The following EYS variants were observed in gnomAD, a reference collection of about 807,000 sequenced individuals.
The protein encoded by EYS is EGF-like photoreceptor maintenance factor, also known as protein eyes shut homolog.
EYS carries 250 observed loss-of-function variants against 282.1 expected under a neutral mutation model. The ratio of observed to expected loss-of-function variants is 0.89; its 90% CI spans 0.80 to 0.98. EYS has a LOEUF of 0.98. Among genes scored for constraint, EYS ranks in the 50% least tolerant of loss-of-function variants. The pLI is 0.00. For missense variants in EYS, 4,016 were observed against 3,709.0 expected (o/e 1.08, Z -2.15); for synonymous variants, 1,355 against 1,282.9 (o/e 1.06, Z -1.20).
At chr6:64,025,097 C>A (rs1769423114) in intron 33 of EYS, among the ~76,000 whole-genome samples, 1 of 152,146 alleles carries the variant, frequency 6.6e-6, no homozygotes, top group African/African-American at 2.4e-5. Flanking sequence ...TCTGTCCTAT[C>A]TTTCCTTAGA....
At chr6:65,409,076 A>T (rs1236429054) in intron 5 of EYS, among the ~76,000 whole-genome samples, 1 of 152,104 alleles carries the variant, frequency 6.6e-6, no homozygotes, top group African/African-American at 2.4e-5. Context: ...AACATATATG[A>T]TATGATTTGT....
intron 22 of EYS, among the ~76,000 whole-genome samples, chr6:64,678,086 C>A (rs1769757002): frequency 6.6e-6 from 1 of 152,126 alleles, no homozygotes; most frequent in African/African-American, 2.4e-5. Flanking sequence ...CTCATGCTCA[C>A]ATTATGTCAT....
rs139388110 is a variant in EYS, at chr6:65,331,232, A to G, written c.1766+3748T>C. 167 of 690,642 alleles carry G rather than the reference A, an allele frequency of 2.4e-4. 1 individual carries two copies. The African/African-American group carries it at 2.8e-3, about 11-fold the overall frequency. 42.8% of individuals were successfully genotyped at this position (690,642 alleles called of 1,614,324 possible). A position where few individuals can be genotyped will look rare whatever the true frequency, so the allele number is the denominator to read the frequency against. Reference sequence around the variant, plus strand: ...ATTAAATGTGTGAATTAATTTGGGAAGAATTAATATTTTAGCTAATTTAAG... The same window carrying G: ...ATTAAATGTGTGAATTAATTTGGGAGGAATTAATATTTTAGCTAATTTAAG... On this transcript the variant is annotated intron_variant, in intron 11 of 42. Transcript: ENST00000503581.
chr6:64,594,751 T>C (rs1766526096), intron 24 of EYS, among the ~76,000 whole-genome samples: 1 of 150,520 alleles, frequency 6.6e-6, no homozygotes, highest in Non-Finnish European at 1.5e-5. Context: ...AATGACGAGT[T>C]AATGGGTGCA....
At chr6:63,900,581 A>C (rs1297461279) in intron 35 of EYS, among the ~76,000 whole-genome samples, 1 of 152,190 alleles carries the variant, frequency 6.6e-6, no homozygotes, top group Non-Finnish European at 1.5e-5. Flanking sequence ...ACCTGCACAC[A>C]GGTGTAGAGG....
intron 26 of EYS, among the ~76,000 whole-genome samples, chr6:64,444,211 A>G (rs1043224890): frequency 6.6e-6 from 1 of 152,090 alleles, no homozygotes; most frequent in Non-Finnish European, 1.5e-5. Context: ...ATTTTTCTTC[A>G]GTTAATAATG....
chr6:65,081,540 G>T (rs371909233), intron 12 of EYS, among the ~76,000 whole-genome samples: 7 of 152,056 alleles, frequency 4.6e-5, no homozygotes, highest in African/African-American at 1.7e-4. Context: ...TCAACAAACA[G>T]ATTTTATTTT....
chr6:65,238,903 A>G (rs1479005281), intron 12 of EYS, among the ~76,000 whole-genome samples: 2 of 152,094 alleles, frequency 1.3e-5, no homozygotes, highest in African/African-American at 4.8e-5. Flanking sequence ...AGTCAGTTAC[A>G]TGATTAATAT....
intron 30 of EYS, among the ~76,000 whole-genome samples, chr6:64,262,244 AAC>A (rs1399689693): frequency 6.6e-6 from 1 of 152,012 alleles, no homozygotes; most frequent in East Asian, 1.9e-4. Context: ...TCCCAACACA[AAC>A]ACAGAGGAGA....
chr6:64,137,905 A>C (rs1774215318), intron 31 of EYS, among the ~76,000 whole-genome samples: 1 of 152,150 alleles, frequency 6.6e-6, no homozygotes, highest in Admixed American at 6.6e-5. Context: ...CTTTGTAAAA[A>C]ACAAAAACAA....
In EYS at chr6:64,456,447, A is replaced by G. The variant is rs150946785; in HGVS notation, c.5645-17095T>C. 4.1e-3 allele frequency among the ~76,000 whole-genome samples: 622 copies of G among 152,058 alleles called. 5 individuals carry two copies. The highest frequency in any genetic ancestry group is 0.014 in the African/African-American group (589 of 41,482). On this transcript the variant is annotated intron_variant, in intron 26 of 42. Coordinates refer to ENST00000503581, the MANE Select transcript of EYS (RefSeq NM_001142800.2). ...TTAGCTAGTCCTCTTGAGTTTAATT[A>G]TGTTGTTTACCAATTACATATATGG... is the stretch of plus-strand genomic sequence containing the variant.
intron 30 of EYS, among the ~76,000 whole-genome samples, chr6:64,255,299 C>T (rs974977537): frequency 3.3e-5 from 5 of 152,052 alleles, no homozygotes; most frequent in African/African-American, 7.2e-5. Flanking sequence ...GATTAGGATA[C>T]TCAGATCCTC....
rs543253181 is a variant in EYS at position 63,881,532 on chromosome 6, C to A, written c.7056-17174G>T. On this transcript the variant is annotated intron_variant, in intron 35 of 42. Transcript: ENST00000503581. ...AATATATATAAATTATGAGTTATTG[C>A]AAACTCCAGTTCCGAATTAAAATTT... is the stretch of plus-strand genomic sequence containing the variant. Among the ~76,000 whole-genome samples the A allele has an allele frequency of 4.6e-5, 7 of 152,228 alleles. No homozygotes were observed. The East Asian group carries it at 1.3e-3, about 29-fold the overall frequency.
At chr6:65,604,742 A>G (rs537595627) in intron 2 of EYS, among the ~76,000 whole-genome samples, 1 of 151,966 alleles carries the variant, frequency 6.6e-6, no homozygotes, top group Admixed American at 6.6e-5. Flanking sequence ...TGAAGGAAAT[A>G]TGGATTGTTT....
intron 4 of EYS, among the ~76,000 whole-genome samples, chr6:65,491,163 A>T (rs553504038): frequency 6.6e-6 from 1 of 152,022 alleles, no homozygotes; most frequent in East Asian, 1.9e-4. Context: ...GATTCTCAGA[A>T]TATGTGCACA....
At chr6:64,565,389 T>G (rs1765532777) in intron 26 of EYS, among the ~76,000 whole-genome samples, 1 of 152,146 alleles carries the variant, frequency 6.6e-6, no homozygotes, top group Non-Finnish European at 1.5e-5. Flanking sequence ...TAATATCAAT[T>G]TATAGATGAA....
chr6:65,176,460 T>C (rs1765227334), intron 12 of EYS, among the ~76,000 whole-genome samples: 1 of 151,558 alleles, frequency 6.6e-6, no homozygotes, highest in South Asian at 2.1e-4. Context: ...ACACAAAACT[T>C]AGGTTATAAT....
intron 12 of EYS, among the ~76,000 whole-genome samples, chr6:65,062,093 C>T (rs1318691799): frequency 1.3e-5 from 2 of 151,934 alleles, no homozygotes; most frequent in African/African-American, 2.4e-5. Flanking sequence ...AAACCTCAAC[C>T]GTATCATGCC....
At chr6:65,381,616 C>A (rs1765613486) in intron 8 of EYS, among the ~76,000 whole-genome samples, 1 of 151,892 alleles carries the variant, frequency 6.6e-6, no homozygotes, top group South Asian at 2.1e-4. Context: ...TACATCTATC[C>A]CAGAACTTAA....
Sources: gnomAD v4.1 joint callset for allele counts (sites outside exome capture counted in the v4.1 genomes callset) on GRCh38, gnomAD v4.1.1 for gene constraint, MANE v1.5 for transcripts, NCBI Gene and HGNC (gene_info 2026-07-23, HGNC 2026-07-21) for gene names.